The following LRRC37B variants were observed in gnomAD, a reference collection of about 807,000 sequenced individuals.
LRRC37B encodes leucine-rich repeat-containing protein 37B.
A neutral mutation model predicts 98.3 loss-of-function variants in LRRC37B; 28 were observed. The ratio of observed to expected loss-of-function variants is 0.28; its 90% CI spans 0.21 to 0.39. The LOEUF is 0.39. Among genes scored for constraint, LRRC37B ranks in the 10% least tolerant of loss-of-function variants. LRRC37B has a pLI of 1.00. For missense variants in LRRC37B, 938 were observed against 1,182.7 expected (o/e 0.79, Z 3.03); for synonymous variants, 364 against 442.7 (o/e 0.82, Z 2.23).
intron 7 of LRRC37B, among the ~76,000 whole-genome samples, chr17:32,043,172 T>G (rs1430692423): frequency 6.6e-6 from 1 of 152,204 alleles, no homozygotes; most frequent in African/African-American, 2.4e-5. Flanking sequence ...CAGATGAAAG[T>G]TATACAGGTG....
At chr17:32,015,689 T>G (rs995077421) in intron 1 of LRRC37B, among the ~76,000 whole-genome samples, 1 of 152,216 alleles carries the variant, frequency 6.6e-6, no homozygotes, top group African/African-American at 2.4e-5. Context: ...TGGCATGACT[T>G]TACCTCTGCA....
At chr17:32,014,260 A>G (rs1438474324) in intron 1 of LRRC37B, among the ~76,000 whole-genome samples, 2 of 152,222 alleles carry the variant, frequency 1.3e-5, no homozygotes, top group Non-Finnish European at 2.9e-5. Flanking sequence ...CACAATGAAG[A>G]TATAAAAGTA....
intron 7 of LRRC37B, 148 bp downstream of exon 10, chr17:32,035,787 A>G (rs1394075766): frequency 7.2e-6 from 6 of 829,440 alleles, no homozygotes; most frequent in Non-Finnish European, 1.1e-5. Context: ...TGACAAATGT[A>G]TAGTTACATA....
chr17:32,034,833 AAAAAATGAATAT>A, intron 5 of LRRC37B, 65 bp from the exon 9 acceptor site: 1 of 1,170,420 alleles, frequency 8.5e-7, no homozygotes, highest in Non-Finnish European at 1.3e-6. Flanking sequence ...GTTCCATACC[AAAAAATGAATAT>A]AGACTTTTTA....
At chr17:32,040,745 G>A (rs1479724459) in intron 7 of LRRC37B, 2 of 802,622 alleles carry the variant, frequency 2.5e-6, no homozygotes, top group African/African-American at 3.4e-5. Flanking sequence ...TGGGCAACGA[G>A]TCCAACTTCA....
chr17:32,021,894 G>A, exon 1 of LRRC37B: 1 of 1,614,138 alleles, frequency 6.2e-7, no homozygotes, highest in South Asian at 1.1e-5. Context: ...TGAGCCTCCA[G>A]GGCCTCCTGA....
At chr17:32,039,835 A>G (rs1911376007) in intron 7 of LRRC37B, 1 of 151,538 alleles carries the variant, frequency 6.6e-6, no homozygotes, top group Admixed American at 6.6e-5. Context: ...GGGCTGTCAG[A>G]TCTGTTTTAC....
Position 32,021,247 on chromosome 17 carries a change from C to T in LRRC37B, c.182C>T (p.Pro61Leu), listed in dbSNP as rs187030197. The T allele has an allele frequency of 7.4e-5, 120 of 1,612,696 alleles. No individual in the cohort carries two copies. The highest frequency in any genetic ancestry group is 9.6e-5 in the Non-Finnish European group (113 of 1,179,956). Residue 61 changes from proline to leucine, a missense_variant, in exon 1 of 12, where the codon CCG becomes CTG. This residue lies in a region of LRRC37B where 610 missense variants were observed against 625.6 expected (regional missense o/e 0.98). Coordinates refer to ENST00000327564, the Ensembl canonical transcript of LRRC37B. ...CAGCCTCTGGTGTGGGTCAAGGACCCGCTCCAGCTGACCTCTAACCCCCTG... is the reference window on the plus strand; with the variant it reads ...CAGCCTCTGGTGTGGGTCAAGGACCTGCTCCAGCTGACCTCTAACCCCCTG...
intron 7 of LRRC37B, among the ~76,000 whole-genome samples, chr17:32,044,692 C>T (rs1315884089): frequency 1.3e-5 from 2 of 152,096 alleles, no homozygotes; most frequent in Non-Finnish European, 2.9e-5. Context: ...GCCTGAACAA[C>T]AAGGTGAAAC....
exon 7 of LRRC37B, chr17:32,035,603 A>G: frequency 4.3e-6 from 7 of 1,612,248 alleles, no homozygotes; most frequent in Non-Finnish European, 5.9e-6. Context: ...ACAACACTTA[A>G]GAACATTCTC....
chr17:32,019,234 T>C (rs1319422606), upstream of LRRC37B, among the ~76,000 whole-genome samples: 2 of 152,202 alleles, frequency 1.3e-5, no homozygotes, highest in Non-Finnish European at 1.5e-5. Flanking sequence ...GGCCCCATTG[T>C]TATCATTTAT....
intron 7 of LRRC37B, among the ~76,000 whole-genome samples, chr17:32,038,313 G>A (rs1300271360): frequency 6.6e-6 from 1 of 151,926 alleles, no homozygotes; most frequent in Admixed American, 6.6e-5. Context: ...ATAAAAATTA[G>A]GCAGGTGCAG....
intron 1 of LRRC37B, among the ~76,000 whole-genome samples, chr17:32,009,671 C>T (rs1910484904): frequency 6.6e-6 from 1 of 151,904 alleles, no homozygotes; most frequent in African/African-American, 2.4e-5. Flanking sequence ...CTCGCTCTTT[C>T]ACCCACGCTG....
intron 1 of LRRC37B, among the ~76,000 whole-genome samples, chr17:32,011,037 C>T (rs1910513972): frequency 6.6e-6 from 1 of 150,954 alleles, no homozygotes; most frequent in Admixed American, 6.6e-5. Context: ...TGCTCTGTCA[C>T]CTAGGCTGGA....
chr17:32,027,073 T>G (rs961221332), intron 2 of LRRC37B, among the ~76,000 whole-genome samples: 3 of 152,218 alleles, frequency 2.0e-5, no homozygotes, highest in African/African-American at 7.2e-5. Flanking sequence ...ATTTATGTTA[T>G]GTGCACTTTA....
chr17:32,012,745 G>T (rs143376373), intron 1 of LRRC37B, among the ~76,000 whole-genome samples: 1 of 151,638 alleles, frequency 6.6e-6, no homozygotes, highest in Non-Finnish European at 1.5e-5. Context: ...GGCCAGGTGC[G>T]GTGCCTCACG....
intron 5 of LRRC37B, 115 bp downstream of exon 8, chr17:32,031,573 T>G: frequency 7.8e-7 from 1 of 1,287,666 alleles, no homozygotes; most frequent in Non-Finnish European, 1.0e-6. Context: ...TGTCTTAAGA[T>G]CCATTCGTTT....
intron 3 of LRRC37B, among the ~76,000 whole-genome samples, chr17:32,029,788 AGT>A (rs1911062552): frequency 6.6e-6 from 1 of 152,218 alleles, no homozygotes; most frequent in Non-Finnish European, 1.5e-5. Context: ...TTATCACAGC[AGT>A]GCTGTAAGAT....
chr17:32,029,803 A>T (rs1406543989), intron 3 of LRRC37B, among the ~76,000 whole-genome samples: 1 of 152,178 alleles, frequency 6.6e-6, no homozygotes, highest in Non-Finnish European at 1.5e-5. Flanking sequence ...TGTAAGATGG[A>T]TCTGCATCAC....
Sources: allele counts gnomAD v4.1 joint callset (sites outside exome capture counted in the v4.1 genomes callset), GRCh38; gene constraint gnomAD v4.1.1; regional missense constraint gnomAD v4.1.1; transcripts MANE v1.5; gene names NCBI Gene and HGNC (gene_info 2026-07-23, HGNC 2026-07-21).